NRXN3: variants seen among roughly 807,000 people sequenced by gnomAD.
NRXN3 encodes neurexin 3, also known as neurexin III.
Under a neutral mutation model 137.6 loss-of-function variants are expected in NRXN3, and 32 were observed. The observed-to-expected ratio is 0.23, with a 90% CI of 0.18 to 0.31. NRXN3 has a LOEUF of 0.31. Among genes scored for constraint, NRXN3 ranks in the 10% least tolerant of loss-of-function variants. The pLI, the probability that NRXN3 is intolerant of heterozygous loss-of-function variation, is 1.00. For missense variants in NRXN3, 1,574 were observed against 2,062.5 expected (o/e 0.76, Z 4.59); for synonymous variants, 798 against 784.5 (o/e 1.02, Z -0.29).
intron 20 of NRXN3, among the ~76,000 whole-genome samples, chr14:79,858,671 G>A (rs1194519716): frequency 6.6e-6 from 1 of 151,740 alleles, no homozygotes; most frequent in African/African-American, 2.4e-5. Flanking sequence ...TCCTCTGAAG[G>A]TAAGTAAAAC....
chr14:78,250,120 T>C, intron 2 of NRXN3: 1 of 516,254 alleles, frequency 1.9e-6, no homozygotes, highest in Non-Finnish European at 3.9e-6. Flanking sequence ...GGCAAGAGGT[T>C]AAATAACTTG....
intron 1 of NRXN3, among the ~76,000 whole-genome samples, chr14:78,192,097 TGTGTGTGTGTGA>T (rs1555397107): frequency 1.4e-5 from 2 of 144,146 alleles, no homozygotes; most frequent in Non-Finnish European, 3.0e-5. Context: ...TGTGTGTGTG[TGTGTGTGTGTGA>T]GAGAGAGAGC....
rs538537820 is a variant in NRXN3, at chr14:78,194,033, G to A, written c.-704+23359G>A. Among the ~76,000 whole-genome samples, 3 of 152,286 alleles carry A rather than the reference G, an allele frequency of 2.0e-5. No homozygotes were observed. In the East Asian group the frequency reaches 5.8e-4, roughly 29 times the overall value. On this transcript the variant is annotated intron_variant, in intron 1 of 20. Coordinates refer to ENST00000335750, the MANE Select transcript of NRXN3 (RefSeq NM_001330195.2). The stretch of plus-strand genomic sequence containing the variant: ...CTCTGGCCCATAGGCATAGAAAGGG[G>A]GCTGTGTCTATACTCCATCTAGTCC...
At chr14:78,926,893 T>A (rs1482285582) in intron 10 of NRXN3, among the ~76,000 whole-genome samples, 1 of 26,918 alleles carries the variant, frequency 3.7e-5, no homozygotes, top group Non-Finnish European at 5.3e-5. Context: ...TATTTATATA[T>A]ATATATAATA....
chr14:78,231,003 G>A (rs1459487680), intron 1 of NRXN3, among the ~76,000 whole-genome samples: 2 of 152,162 alleles, frequency 1.3e-5, no homozygotes, highest in Non-Finnish European at 2.9e-5. Flanking sequence ...AGAAACACTG[G>A]TGTAGTAGAA....
Position 79,697,798 on chromosome 14 carries a change from T to G in NRXN3, c.3875T>G (p.Leu1292Arg), listed in dbSNP as rs2098740782. Reference sequence around the variant, plus strand: ...ATTAAAATCAATGGAAGTGTTCGGCTGGTTGGAGAAGTCCCATCAATTTTG... The same window carrying G: ...ATTAAAATCAATGGAAGTGTTCGGCGGGTTGGAGAAGTCCCATCAATTTTG... ...PNIKINGSVR[L>R]VGEVPSILGT... The change falls in exon 19 of 21, where the codon CTG (leucine) becomes CGG (arginine). Residue 1292 changes from leucine (L) to arginine (R), a missense_variant. Around this residue, in one of 5 missense-constraint regions of NRXN3, gnomAD observed 320 missense variants for 387.1 expected, o/e 0.83. Transcript: ENST00000335750. 1.2e-6 allele frequency: 2 copies of G among 1,613,106 alleles called. No homozygotes were observed. Among genetic ancestry groups the G allele is most frequent in the African/African-American group, 2.7e-5 (2 of 74,806 alleles).
At chr14:79,211,788 AC>A (rs749036287) in intron 15 of NRXN3, among the ~76,000 whole-genome samples, 3 of 152,154 alleles carry the variant, frequency 2.0e-5, no homozygotes, top group Non-Finnish European at 2.9e-5. Context: ...AGTCCTGAAA[AC>A]AACATTTTTG....
intron 4 of NRXN3, among the ~76,000 whole-genome samples, chr14:78,439,643 A>G (rs985484373): frequency 2.6e-5 from 4 of 152,148 alleles, no homozygotes; most frequent in African/African-American, 7.2e-5. Context: ...TTGCATTCTC[A>G]TAGTACTTTT....
chr14:79,300,662 A>G (rs533168640), intron 15 of NRXN3, among the ~76,000 whole-genome samples: 126 of 152,196 alleles, frequency 8.3e-4, no homozygotes, highest in Non-Finnish European at 1.6e-3. Context: ...GCAACTCTTG[A>G]GAGCTTGGAA....
intron 16 of NRXN3, among the ~76,000 whole-genome samples, chr14:79,538,442 T>C (rs960586835): frequency 6.6e-6 from 1 of 152,238 alleles, no homozygotes; most frequent in Non-Finnish European, 1.5e-5. Flanking sequence ...CATTTAAGTC[T>C]TTAATCCATC....
At chr14:79,694,420 G>T (rs1421550308) in intron 18 of NRXN3, among the ~76,000 whole-genome samples, 3 of 151,904 alleles carry the variant, frequency 2.0e-5, no homozygotes, top group Non-Finnish European at 2.9e-5. Flanking sequence ...AAAACAAAAA[G>T]TAACCTGCTA....
At position 78,845,301 on chromosome 14, in the gene NRXN3, A is replaced by G. The variant is rs548492776; in HGVS notation, c.2275+34957A>G. ...TAGTGTTAATTTTACAGTTTTTTAT[A>G]TGAAATAACTCTCTGAGTTAGGAGA... On this transcript the variant is annotated intron_variant, in intron 10 of 20. Coordinates refer to ENST00000335750, the MANE Select transcript of NRXN3 (RefSeq NM_001330195.2). Among the ~76,000 whole-genome samples, 9 of 152,242 alleles carry G rather than the reference A, an allele frequency of 5.9e-5. No individual in the cohort carries two copies. In the South Asian group the frequency reaches 6.2e-4, roughly 11 times the overall value.
intron 1 of NRXN3, among the ~76,000 whole-genome samples, chr14:78,195,213 G>A (rs1157481014): frequency 6.6e-6 from 1 of 152,220 alleles, no homozygotes; most frequent in Non-Finnish European, 1.5e-5. Flanking sequence ...AGGCCAGTAT[G>A]AACCAGGCAC....
intron 15 of NRXN3, among the ~76,000 whole-genome samples, chr14:78,991,197 A>C (rs1380026852): frequency 6.6e-6 from 1 of 152,194 alleles, no homozygotes; most frequent in Non-Finnish European, 1.5e-5. Context: ...GAAAATCAGA[A>C]AGTGGGTCTT....
chr14:79,832,307 A>G (rs769911544), intron 20 of NRXN3, among the ~76,000 whole-genome samples: 29 of 152,188 alleles, frequency 1.9e-4, no homozygotes, highest in Non-Finnish European at 3.2e-4. Context: ...ATAGTTCAAG[A>G]GACACACTAA....
intron 15 of NRXN3, among the ~76,000 whole-genome samples, chr14:79,062,579 G>A (rs1318329428): frequency 6.6e-6 from 1 of 152,208 alleles, no homozygotes; most frequent in Non-Finnish European, 1.5e-5. Context: ...GGATGAGGGA[G>A]CAAGAGCAAT....
At chr14:78,229,169 C>A (rs1235776521) in intron 1 of NRXN3, among the ~76,000 whole-genome samples, 1 of 152,024 alleles carries the variant, frequency 6.6e-6, no homozygotes, top group East Asian at 1.9e-4. Flanking sequence ...ACTATAAAAT[C>A]TTGATGACTA....
Position 79,819,482 on chromosome 14 carries a change from C to CTT in NRXN3, c.4093+14311_4093+14312dup, listed in dbSNP as rs58492725. 1.5e-3 allele frequency among the ~76,000 whole-genome samples: 106 copies of CTT among 71,904 alleles called. 5 individuals carry two copies. In the East Asian group the frequency reaches 0.034, roughly 23 times the overall value. The allele number at this position is 71,904 out of a possible 152,430, so 47.2% of individuals were successfully genotyped here. ...ATAGGATACAACAGGACATTAAAAG[C>CTT]TTTTTTTTTTTTTTTTTTTTGAGAC... On this transcript the variant is annotated intron_variant, in intron 20 of 20. Coordinates refer to ENST00000335750, the MANE Select transcript of NRXN3 (RefSeq NM_001330195.2).
At chr14:78,825,048 C>T (rs189954767) in intron 10 of NRXN3, among the ~76,000 whole-genome samples, 4 of 151,970 alleles carry the variant, frequency 2.6e-5, no homozygotes, top group African/African-American at 9.6e-5. Flanking sequence ...GTTGTTTGTG[C>T]AGTATTGTTT....
Sources: gnomAD v4.1 joint callset for allele counts (sites outside exome capture counted in the v4.1 genomes callset) on GRCh38, gnomAD v4.1.1 for gene constraint, gnomAD v4.1.1 regional missense constraint, MANE v1.5 for transcripts, NCBI Gene and HGNC (gene_info 2026-07-23, HGNC 2026-07-21) for gene names.